NID2: variants seen among roughly 807,000 people sequenced by gnomAD.
The protein encoded by NID2 is nidogen-2.
A neutral mutation model predicts 145.4 loss-of-function variants in NID2; 83 were observed. That is an observed-to-expected ratio of 0.57 (90% confidence interval 0.48 to 0.69). NID2 has a LOEUF of 0.69. NID2 is among the 30% of genes least tolerant of loss of function. NID2 has a pLI of 0.00. For missense variants in NID2, 1,807 were observed against 1,765.7 expected (o/e 1.02, Z -0.42); for synonymous variants, 739 against 701.3 (o/e 1.05, Z -0.85).
chr14:52,018,855 CAG>C (rs1175642305), intron 14 of NID2, among the ~76,000 whole-genome samples: 1 of 152,222 alleles, frequency 6.6e-6, no homozygotes, highest in Admixed American at 6.5e-5. Flanking sequence ...AAATGTGTAA[CAG>C]ATCATATGTG....
At chr14:52,046,728 A>G (rs1892510397) in intron 5 of NID2, among the ~76,000 whole-genome samples, 1 of 152,210 alleles carries the variant, frequency 6.6e-6, no homozygotes. Flanking sequence ...TATGAGACTT[A>G]AACTGTAATT....
At chr14:52,007,418 C>T (rs1890827965) in intron 19 of NID2, 1 of 206,416 alleles carries the variant, frequency 4.8e-6, no homozygotes, top group Admixed American at 5.8e-5. Flanking sequence ...AAGGAAGCTA[C>T]CCTGCTACAA....
At chr14:52,020,252 G>A in intron 12 of NID2, 74 bp from the exon 13 acceptor site, 2 of 1,590,450 alleles carry the variant, frequency 1.3e-6, no homozygotes, top group Non-Finnish European at 1.7e-6. Context: ...GCGACTGCAT[G>A]GGCTTTGGAT....
At chr14:52,028,615 C>A in intron 11 of NID2, 107 bp downstream of exon 11, 4 of 1,291,968 alleles carry the variant, frequency 3.1e-6, no homozygotes, top group Non-Finnish European at 4.2e-6. Context: ...CTTAAGAAAA[C>A]CATATAGCAG....
At chr14:52,008,968 T>C (rs1890902703) in intron 18 of NID2, 2 of 152,178 alleles carry the variant, frequency 1.3e-5, no homozygotes, top group Admixed American at 6.5e-5. Flanking sequence ...TAAGTGGAAA[T>C]AGGTTATAAG....
chr14:52,063,137 TC>T (rs112782544), intron 2 of NID2, among the ~76,000 whole-genome samples: 1 of 152,168 alleles, frequency 6.6e-6, no homozygotes, highest in African/African-American at 2.4e-5. Context: ...CTTGAAGGGC[TC>T]CCCCTCTCAA....
rs1197929236 is a variant in NID2 at position 52,067,983 on chromosome 14, C to T, written c.409G>A (p.Ala137Thr). 2 of 1,610,422 alleles carry T rather than the reference C, an allele frequency of 1.2e-6. No individual in the cohort carries two copies. The highest frequency in any genetic ancestry group is 2.2e-5 in the East Asian group (1 of 44,832). The change falls in exon 2 of 22, where the codon GCC (alanine) becomes ACC (threonine). Residue 137 changes from alanine (A) to threonine (T), a missense_variant. Physicochemically the swap from Ala to Thr is moderately conservative, Grantham distance 58. Transcript: ENST00000216286. ...GGGAAGCCAGCGCGCACATAGCGGGCGGCCAGGCCCAGCACTGCGGGGGAG... is the reference window on the plus strand; with the variant it reads ...GGGAAGCCAGCGCGCACATAGCGGGTGGCCAGGCCCAGCACTGCGGGGGAG... ...DTSPAVLGLA[A>T]RYVRAGFPRS...
rs896144437 is a variant in NID2 at position 52,015,183 on chromosome 14, G to A, written c.3121C>T (p.Pro1041Ser). The change falls in exon 15 of 22, where the codon CCC becomes TCC. Residue 1041 changes from proline to serine, a missense_variant. Pro to Ser is a moderately conservative substitution (Grantham distance 74, BLOSUM62 -1). Coordinates refer to ENST00000216286, the MANE Select transcript of NID2 (RefSeq NM_007361.4). Reference protein sequence around the residue: ...GGTPRDDQYVPQCDDLGHFIP... With the variant: ...GGTPRDDQYVSQCDDLGHFIP... ...AAGTGGCCCAGGTCATCGCACTGGG[G>A]CACGTACTGGTCATCCCGGGGGGTG... 3.1e-6 allele frequency: 5 copies of A among 1,613,970 alleles called. No homozygotes were observed. The highest frequency in any genetic ancestry group is 3.4e-6 in the Non-Finnish European group (4 of 1,179,998).
intron 9 of NID2, among the ~76,000 whole-genome samples, chr14:52,034,606 G>GA (rs1437733589): frequency 6.6e-6 from 1 of 152,168 alleles, no homozygotes; most frequent in African/African-American, 2.4e-5. Flanking sequence ...TCGCATCCTA[G>GA]AAAAGAGTCT....
chr14:52,011,201 G>A (rs375353476), intron 17 of NID2, among the ~76,000 whole-genome samples, 154 bp from the exon 18 acceptor site: 8 of 152,274 alleles, frequency 5.3e-5, no homozygotes, highest in Admixed American at 2.0e-4. Flanking sequence ...AGAGAAACAA[G>A]TACTTTTGTT....
chr14:52,022,201 T>C (rs1314127170), intron 12 of NID2, among the ~76,000 whole-genome samples: 5 of 152,140 alleles, frequency 3.3e-5, no homozygotes, highest in Non-Finnish European at 7.4e-5. Flanking sequence ...GAATTCTGAC[T>C]CAATCTGAAA....
chr14:52,061,187 G>T (rs529255382), intron 2 of NID2, among the ~76,000 whole-genome samples: 61 of 152,142 alleles, frequency 4.0e-4, no homozygotes, highest in Non-Finnish European at 5.4e-4. Context: ...CACTTTGTTC[G>T]TGGTTCCCTG....
In NID2 at chr14:52,042,094, G is replaced by A. The variant is rs1309700415; in HGVS notation, c.1825+11C>T. 31 of 1,575,928 alleles carry A rather than the reference G, an allele frequency of 2.0e-5. No homozygotes were observed. Among genetic ancestry groups the A allele is most frequent in the Non-Finnish European group, 2.5e-5 (29 of 1,159,224 alleles). On this transcript the variant is annotated intron_variant, in intron 7 of 21. Coordinates refer to ENST00000216286, the MANE Select transcript of NID2 (RefSeq NM_007361.4). Reference sequence around the variant, plus strand: ...ATGCTGACTACCGGCCTTCTCAGAGGCCCTACTCACCTGCGAGGCTGAAGC... The same window carrying A: ...ATGCTGACTACCGGCCTTCTCAGAGACCCTACTCACCTGCGAGGCTGAAGC...
At chr14:52,039,518 G>A (rs1208582979) in intron 8 of NID2, among the ~76,000 whole-genome samples, 1 of 152,188 alleles carries the variant, frequency 6.6e-6, no homozygotes, top group East Asian at 1.9e-4. Context: ...CACCATCTGA[G>A]TCTAGGAGTC....
chr14:52,050,965 C>T (rs553780497), intron 5 of NID2, among the ~76,000 whole-genome samples: 13 of 152,282 alleles, frequency 8.5e-5, no homozygotes, highest in East Asian at 5.8e-4. Context: ...GACAGGTACA[C>T]GGCAGGTGCT....
chr14:52,035,860 A>G (rs1051526322), intron 9 of NID2, among the ~76,000 whole-genome samples: 4 of 125,686 alleles, frequency 3.2e-5, no homozygotes, highest in East Asian at 2.3e-4. Context: ...TTTTGTGTAT[A>G]TATATATATA....
intron 16 of NID2, among the ~76,000 whole-genome samples, chr14:52,013,396 C>A (rs1029633051): frequency 6.6e-6 from 1 of 152,204 alleles, no homozygotes; most frequent in African/African-American, 2.4e-5. Flanking sequence ...CAGGACCCAA[C>A]AAACTCGAAT....
chr14:52,042,480 C>A (rs1304842324), intron 6 of NID2, 130 bp from the exon 7 acceptor site: 8 of 1,177,686 alleles, frequency 6.8e-6, no homozygotes, highest in Middle Eastern at 4.3e-4. Flanking sequence ...ATTTCCTAAC[C>A]AACCAATTAT....
chr14:52,060,377 AAAGAGAG>A lies in NID2; in HGVS notation c.535-28_535-22del. On this transcript the variant is annotated intron_variant, in intron 2 of 21. Coordinates refer to ENST00000216286, the MANE Select transcript of NID2 (RefSeq NM_007361.4). ...TTCAGCTGTGAGGAAAAAAAAAAAA[AAAGAGAG>A]AGAGAGAGAGAGAAACATCCTGTAA... 1.7e-5 allele frequency: 20 copies of A among 1,149,444 alleles called. No individual in the cohort carries two copies. The African/African-American group carries it at 2.6e-4, about 15-fold the overall frequency. The allele number at this position is 1,149,444 out of a possible 1,614,324, so 71.2% of individuals were successfully genotyped here. A position where few individuals can be genotyped will look rare whatever the true frequency, so the allele number is the denominator to read the frequency against.
Sources: allele counts gnomAD v4.1 joint callset (sites outside exome capture counted in the v4.1 genomes callset), GRCh38; gene constraint gnomAD v4.1.1; transcripts MANE v1.5; gene names NCBI Gene and HGNC (gene_info 2026-07-23, HGNC 2026-07-21).